XRCC4: variants seen among roughly 807,000 people sequenced by gnomAD.
XRCC4 encodes the protein X-ray repair cross complementing 4.
In XRCC4, 28 loss-of-function variants were observed where a neutral mutation model predicts 39.1. That is an observed-to-expected ratio of 0.72 (90% CI 0.53 to 0.98). The LOEUF is 0.98. XRCC4 is among the 50% of genes least tolerant of loss of function. The pLI, the probability that XRCC4 is intolerant of heterozygous loss-of-function variation, is 0.00. For missense variants in XRCC4, 350 were observed against 376.4 expected, an observed-to-expected ratio of 0.93 and a Z score of 0.58; for synonymous variants, 123 against 126.4, an observed-to-expected ratio of 0.97 and a Z score of 0.18.
chr5:83,250,495 T>A (rs1054045304), intron 6 of XRCC4, among the ~76,000 whole-genome samples: 1 of 152,218 alleles, frequency 6.6e-6, no homozygotes, highest in Non-Finnish European at 1.5e-5. Context: ...TCTTGATCTA[T>A]CAGTGGATAA....
chr5:83,192,649 T>C (rs957500906), intron 3 of XRCC4, among the ~76,000 whole-genome samples: 11 of 152,136 alleles, frequency 7.2e-5, no homozygotes, highest in African/African-American at 2.7e-4. Context: ...TCTTAACTTC[T>C]TTACATAGAG....
At chr5:83,218,132 A>C (rs1222139038) in intron 6 of XRCC4, among the ~76,000 whole-genome samples, 2 of 151,290 alleles carry the variant, frequency 1.3e-5, no homozygotes, top group Non-Finnish European at 2.9e-5. Context: ...GGTTTGTTAC[A>C]TATGTATACA....
the XRCC4 span, among the ~76,000 whole-genome samples, chr5:83,368,786 T>C: frequency 1.3e-4 from 20 of 152,258 alleles, 1 homozygote; most frequent in South Asian, 2.3e-3. Context: ...CTTACAGACA[T>C]CCTAAAGAGA....
chr5:83,320,876 A>T (rs557841055), intron 7 of XRCC4, among the ~76,000 whole-genome samples: 2 of 135,432 alleles, frequency 1.5e-5, no homozygotes, highest in South Asian at 4.6e-4. Context: ...CAGTGGCATG[A>T]TCTCAGCTCA....
chr5:83,284,376 A>T (rs1370946271), intron 7 of XRCC4, among the ~76,000 whole-genome samples: 1 of 152,148 alleles, frequency 6.6e-6, no homozygotes, highest in African/African-American at 2.4e-5. Context: ...TTAAAATGTT[A>T]ATCTTTCAGA....
At chr5:83,099,855 A>G (rs1745845690) in intron 1 of XRCC4, among the ~76,000 whole-genome samples, 1 of 152,166 alleles carries the variant, frequency 6.6e-6, no homozygotes, top group African/African-American at 2.4e-5. Flanking sequence ...GTCTTGGGGC[A>G]AAAAACTATG....
At chr5:83,233,108 A>T (rs2112821812) in intron 6 of XRCC4, among the ~76,000 whole-genome samples, 1 of 152,342 alleles carries the variant, frequency 6.6e-6, no homozygotes, top group South Asian at 2.1e-4. Flanking sequence ...AGAATATTGA[A>T]GCCAAAAACT....
chr5:83,352,251 GGTATTACCAA>G (rs1757104204), intron 7 of XRCC4, among the ~76,000 whole-genome samples: 1 of 152,008 alleles, frequency 6.6e-6, no homozygotes, highest in Non-Finnish European at 1.5e-5. Context: ...GAAATAGAGG[GGTATTACCAA>G]GTATTACTGG....
chr5:83,248,032 G>A lies in XRCC4; in HGVS notation c.746-10498G>A, dbSNP rs1467341455. ...GACTTTGGAATAGCGAAGCCCTCCTGACAGAAGTGATATCTTCATTGAGAC... is the reference window on the plus strand; with the variant it reads ...GACTTTGGAATAGCGAAGCCCTCCTAACAGAAGTGATATCTTCATTGAGAC... On this transcript the variant is annotated intron_variant, in intron 6 of 7. Transcript: ENST00000396027. 2.6e-5 allele frequency among the ~76,000 whole-genome samples: 4 copies of A among 152,206 alleles called. No homozygotes were observed. In the East Asian group the frequency reaches 5.8e-4, roughly 22 times the overall value.
At chr5:83,261,386 A>G (rs74793735) in intron 7 of XRCC4, among the ~76,000 whole-genome samples, 4,558 of 152,120 alleles carry the variant, frequency 0.03, 188 homozygotes, top group African/African-American at 0.1. Context: ...ACTCACAAAT[A>G]AACGCAGATA....
At chr5:83,145,685 G>C (rs1748419943) in intron 3 of XRCC4, among the ~76,000 whole-genome samples, 1 of 152,152 alleles carries the variant, frequency 6.6e-6, no homozygotes, top group Admixed American at 6.5e-5. Context: ...TGATTTCTCT[G>C]AAAGCCTGTC....
intron 1 of XRCC4, among the ~76,000 whole-genome samples, chr5:83,086,722 AGTT>A (rs1561315123): frequency 6.6e-6 from 1 of 152,070 alleles, no homozygotes; most frequent in Non-Finnish European, 1.5e-5. Context: ...ACAAACCTTC[AGTT>A]GTTCAGCGAT....
At chr5:83,331,991 G>A (rs1438142600) in intron 7 of XRCC4, among the ~76,000 whole-genome samples, 1 of 151,974 alleles carries the variant, frequency 6.6e-6, no homozygotes, top group Non-Finnish European at 1.5e-5. Flanking sequence ...ATAAACCTGG[G>A]ACTGATGTGT....
At chr5:83,094,004 G>A (rs141447103) in intron 1 of XRCC4, among the ~76,000 whole-genome samples, 1,830 of 151,930 alleles carry the variant, frequency 0.012, 34 homozygotes, top group African/African-American at 0.041. Context: ...TTTTATGTGT[G>A]ATTTCTTTAT....
At chr5:83,151,658 A>G (rs1474285408) in intron 3 of XRCC4, among the ~76,000 whole-genome samples, 2 of 152,162 alleles carry the variant, frequency 1.3e-5, no homozygotes, top group African/African-American at 4.8e-5. Flanking sequence ...AAATAAATAA[A>G]TAAATGAATA....
chr5:83,163,634 G>A (rs13180316), intron 3 of XRCC4, among the ~76,000 whole-genome samples: 28,172 of 152,128 alleles, frequency 0.19, 3,267 homozygotes, highest in Non-Finnish European at 0.27. Flanking sequence ...CAACTCCTAC[G>A]AGTCTATGAC....
chr5:83,235,209 C>A (rs1177400069), intron 6 of XRCC4, among the ~76,000 whole-genome samples: 1 of 151,416 alleles, frequency 6.6e-6, no homozygotes, highest in Non-Finnish European at 1.5e-5. Context: ...GTGGCATATA[C>A]CTGTAGTCCC....
intron 2 of XRCC4, among the ~76,000 whole-genome samples, chr5:83,107,430 A>AT (rs1472762787): frequency 7.9e-5 from 12 of 151,474 alleles, no homozygotes; most frequent in Non-Finnish European, 1.8e-4. Flanking sequence ...AATTTGGACA[A>AT]TTTTTTTTCT....
At chr5:83,227,701 TTTC>T (rs1752342808) in intron 6 of XRCC4, among the ~76,000 whole-genome samples, 1 of 152,088 alleles carries the variant, frequency 6.6e-6, no homozygotes, top group Admixed American at 6.6e-5. Context: ...CATGAAGGAT[TTTC>T]ATAGTTGGAT....
Sources: allele counts gnomAD v4.1 joint callset (sites outside exome capture counted in the v4.1 genomes callset), GRCh38; gene constraint gnomAD v4.1.1; transcripts MANE v1.5; gene names NCBI Gene and HGNC (gene_info 2026-07-23, HGNC 2026-07-21).